The following ARID3B variants were observed in gnomAD, a reference collection of about 807,000 sequenced individuals.
ARID3B encodes the protein AT-rich interactive domain-containing protein 3B.
Under a neutral mutation model 51.9 loss-of-function variants are expected in ARID3B, and 10 were observed. The ratio of observed to expected loss-of-function variants is 0.19; its 90% CI spans 0.12 to 0.33. ARID3B has a LOEUF of 0.33. Ranked by LOEUF, ARID3B falls within the 10% of genes least tolerant of loss-of-function variation. The pLI is 1.00. For synonymous variants in ARID3B, 205 were observed against 279.5 expected (o/e 0.73, Z 2.66); for missense variants, 483 against 716.3 (o/e 0.67, Z 3.72).
Position 74,596,600 on chromosome 15 carries a change from T to C in ARID3B, c.*826T>C, listed in dbSNP as rs2061826293. Reference sequence around the variant, plus strand: ...CCCAGCCCTCTTCAGCCCTCCCCAGTCCTCCCCAGCCTTCTTCAGCCTTCT... The same window carrying C: ...CCCAGCCCTCTTCAGCCCTCCCCAGCCCTCCCCAGCCTTCTTCAGCCTTCT... On this transcript the variant is annotated 3_prime_UTR_variant, in exon 9 of 9. Transcript: ENST00000346246. 4.3e-6 allele frequency: 1 copy of C among 233,656 alleles called. No individual in the cohort carries two copies. The allele number at this position is 233,656 out of a possible 1,614,324, so 14.5% of individuals were successfully genotyped here. A position where few individuals can be genotyped will look rare whatever the true frequency, so the allele number is the denominator to read the frequency against.
At chr15:74,593,659 C>T (rs1247106206) in intron 8 of ARID3B, among the ~76,000 whole-genome samples, 1 of 152,208 alleles carries the variant, frequency 6.6e-6, no homozygotes, top group Non-Finnish European at 1.5e-5. Flanking sequence ...CAGTCTTTTA[C>T]AGTTATCTTT....
intron 2 of ARID3B, among the ~76,000 whole-genome samples, chr15:74,548,700 C>CT (rs2061624745): frequency 6.6e-6 from 1 of 152,178 alleles, no homozygotes; most frequent in African/African-American, 2.4e-5. Context: ...CTCCAAGCCG[C>CT]TTGGGGCACC....
chr15:74,578,032 A>AT (rs1171090052), intron 4 of ARID3B, among the ~76,000 whole-genome samples: 1 of 149,902 alleles, frequency 6.7e-6, no homozygotes, highest in African/African-American at 2.5e-5. Flanking sequence ...TAATTTTTAT[A>AT]TTTTTTAGTA....
At chr15:74,562,109 A>G (rs12437519) in intron 2 of ARID3B, among the ~76,000 whole-genome samples, 46,515 of 150,324 alleles carry the variant, frequency 0.31, 9,714 homozygotes, top group East Asian at 0.55. Context: ...TATTAAATGC[A>G]TTTCCGACAA....
At position 74,597,700 on chromosome 15, in the gene ARID3B, A is replaced by AGGATG. The variant is rs1213150402; in HGVS notation, c.*1928_*1932dup. 2.0e-6 allele frequency: 1 copy of AGGATG among 503,422 alleles called. No individual in the cohort carries two copies. Among genetic ancestry groups the AGGATG allele is most frequent in the Admixed American group, 2.6e-5 (1 of 39,190 alleles). 31.2% of individuals were successfully genotyped at this position (503,422 alleles called of 1,614,324 possible). Reference sequence around the variant, plus strand: ...GTCTTTCTCAGGGGTTTGGTCACAAAGGATGGACTCTTCCCACCCAGAGGA... The same window carrying AGGATG: ...GTCTTTCTCAGGGGTTTGGTCACAAAGGATGGGATGGACTCTTCCCACCCAGAGGA... On this transcript the variant is annotated 3_prime_UTR_variant, in exon 9 of 9. Coordinates refer to ENST00000346246, the MANE Select transcript of ARID3B (RefSeq NM_006465.4).
chr15:74,573,490 T>C (rs534977389), intron 4 of ARID3B: 2 of 451,734 alleles, frequency 4.4e-6, no homozygotes, highest in African/African-American at 2.0e-5. Flanking sequence ...AATTCAAATA[T>C]GCCTTTTTTA....
In ARID3B at chr15:74,596,135, C is replaced by T; in HGVS notation, c.*361C>T. 3.6e-6 allele frequency: 1 copy of T among 279,922 alleles called. No homozygotes were observed. Among genetic ancestry groups the T allele is most frequent in the Non-Finnish European group, 6.7e-6 (1 of 149,218 alleles). The allele number at this position is 279,922 out of a possible 1,614,324, so 17.3% of individuals were successfully genotyped here. A position where few individuals can be genotyped will look rare whatever the true frequency, so the allele number is the denominator to read the frequency against. ...GCTGGAGGCCCTCCATTTCCCTCCCCTTTTAATTTATTTCCCTGACCCTGC... is the reference window on the plus strand; with the variant it reads ...GCTGGAGGCCCTCCATTTCCCTCCCTTTTTAATTTATTTCCCTGACCCTGC... On this transcript the variant is annotated 3_prime_UTR_variant, in exon 9 of 9. Coordinates refer to ENST00000346246, the MANE Select transcript of ARID3B (RefSeq NM_006465.4).
intron 2 of ARID3B, among the ~76,000 whole-genome samples, chr15:74,562,175 CCT>C (rs1464937342): frequency 2.6e-5 from 4 of 151,650 alleles, no homozygotes; most frequent in Non-Finnish European, 5.9e-5. Flanking sequence ...GAAGTCTTGC[CCT>C]GTCGCCCAGG....
intron 4 of ARID3B, among the ~76,000 whole-genome samples, chr15:74,586,167 C>T (rs2061780956): frequency 6.6e-6 from 1 of 152,238 alleles, no homozygotes; most frequent in Admixed American, 6.5e-5. Flanking sequence ...CTGGGCCACA[C>T]AGCAGGGTGC....
intron 2 of ARID3B, among the ~76,000 whole-genome samples, chr15:74,545,750 A>G (rs113167621): frequency 4.6e-5 from 7 of 152,342 alleles, no homozygotes; most frequent in Admixed American, 3.3e-4. Flanking sequence ...AAAATCAAAC[A>G]TCTTGGATCA....
intron 2 of ARID3B, among the ~76,000 whole-genome samples, chr15:74,554,215 G>A (rs1180525745): frequency 6.6e-6 from 1 of 151,894 alleles, no homozygotes; most frequent in African/African-American, 2.4e-5. Flanking sequence ...CTCCATGTTG[G>A]TCAGGCTGGT....
chr15:74,555,737 A>G (rs1247927623), intron 2 of ARID3B, among the ~76,000 whole-genome samples: 2 of 151,506 alleles, frequency 1.3e-5, no homozygotes, highest in Non-Finnish European at 2.9e-5. Flanking sequence ...GCCCGGATCC[A>G]TAAGAGGAAT....
chr15:74,589,197 T>A (rs867437791), intron 4 of ARID3B, among the ~76,000 whole-genome samples: 7 of 151,628 alleles, frequency 4.6e-5, no homozygotes, highest in Non-Finnish European at 8.8e-5. Context: ...CAGGCTAATT[T>A]TTTTTGTATT....
chr15:74,566,809 G>GTC (rs1157443811), intron 2 of ARID3B, among the ~76,000 whole-genome samples: 3 of 151,696 alleles, frequency 2.0e-5, no homozygotes, highest in Admixed American at 6.6e-5. Context: ...GTAATTGTTT[G>GTC]TCTCTCTCTC....
Position 74,595,637 on chromosome 15 carries a change from G to A in ARID3B, c.1546G>A (p.Val516Ile), listed in dbSNP as rs187109457. The change falls in exon 9 of 9, where the codon GTC becomes ATC. Residue 516 changes from valine to isoleucine, a missense_variant. Physicochemically the swap from Val to Ile is conservative, Grantham distance 29. Coordinates refer to ENST00000346246, the MANE Select transcript of ARID3B (RefSeq NM_006465.4). ...AGVLFAQKPV[V>I]HLITGSAPQS... Reference sequence around the variant, plus strand: ...TGTGCTGTTTGCCCAGAAGCCTGTGGTCCACCTCATCACGGGGTCTGCTCC... The same window carrying A: ...TGTGCTGTTTGCCCAGAAGCCTGTGATCCACCTCATCACGGGGTCTGCTCC... The A allele has an allele frequency of 4.1e-5, 66 of 1,613,038 alleles. No homozygotes were observed. In the East Asian group the frequency reaches 1.4e-3, roughly 33 times the overall value.
intron 2 of ARID3B, among the ~76,000 whole-genome samples, chr15:74,560,692 T>C (rs2061676622): frequency 6.6e-6 from 1 of 152,172 alleles, no homozygotes; most frequent in Admixed American, 6.5e-5. Context: ...TAGGAGTGAA[T>C]CAGCTTCTAG....
intron 4 of ARID3B, among the ~76,000 whole-genome samples, chr15:74,581,745 G>A (rs745725408): frequency 6.6e-6 from 1 of 152,178 alleles, no homozygotes; most frequent in Non-Finnish European, 1.5e-5. Context: ...TGAATAGCCT[G>A]CTTTTGTCGT....
intron 4 of ARID3B, among the ~76,000 whole-genome samples, chr15:74,584,813 A>C (rs747566029): frequency 1.3e-5 from 2 of 152,222 alleles, no homozygotes; most frequent in Non-Finnish European, 2.9e-5. Context: ...TGCTAGTGCC[A>C]GCGCCCAGCG....
At chr15:74,552,996 T>C (rs1472332579) in intron 2 of ARID3B, among the ~76,000 whole-genome samples, 1 of 152,244 alleles carries the variant, frequency 6.6e-6, no homozygotes, top group African/African-American at 2.4e-5. Context: ...TTTAGCTTTC[T>C]AAGAAACTGC....
Sources: allele counts gnomAD v4.1 joint callset (sites outside exome capture counted in the v4.1 genomes callset), GRCh38; gene constraint gnomAD v4.1.1; transcripts MANE v1.5; gene names NCBI Gene and HGNC (gene_info 2026-07-23, HGNC 2026-07-21).